The following TP63 variants were observed in gnomAD, a reference collection of about 807,000 sequenced individuals.
The protein encoded by TP63 is tumor protein p63.
TP63 carries 17 observed loss-of-function variants against 82.8 expected under a neutral mutation model. The observed-to-expected ratio is 0.21, with a 90% CI of 0.14 to 0.31. The LOEUF (loss-of-function observed/expected upper bound fraction) is 0.31. Among genes scored for constraint, TP63 ranks in the 10% least tolerant of loss-of-function variants. The pLI, the probability that TP63 is intolerant of heterozygous loss-of-function variation, is 1.00. For missense variants in TP63, 648 were observed against 895.3 expected (o/e 0.72, Z 3.52); for synonymous variants, 330 against 321.7 (o/e 1.03, Z -0.28).
intron 1 of TP63, among the ~76,000 whole-genome samples, chr3:189,721,192 G>T (rs1184018942): frequency 3.3e-5 from 5 of 152,174 alleles, no homozygotes; most frequent in Non-Finnish European, 5.9e-5. Context: ...TTTACCAGAA[G>T]TCGTGAATAG....
At chr3:189,843,439 G>A (rs77771427) in intron 4 of TP63, among the ~76,000 whole-genome samples, 4,999 of 152,270 alleles carry the variant, frequency 0.033, 126 homozygotes, top group Non-Finnish European at 0.054. Flanking sequence ...GGCAACAGGC[G>A]GCCCTTTGGC....
intron 10 of TP63, chr3:189,880,587 A>G: frequency 1.0e-6 from 1 of 986,450 alleles, no homozygotes; most frequent in Non-Finnish European, 1.2e-6. Context: ...CAAACTTAAG[A>G]TGTCTTTTTA....
chr3:189,706,517 G>A lies in TP63; in HGVS notation c.63-31223G>A, dbSNP rs561763803. ...GGTCCGCTGGCCTCGGCCTCCCAGA[G>A]TGCTGGGATTACAGGTGTGAGCCAC... On this transcript the variant is annotated intron_variant, in intron 1 of 13. Transcript: ENST00000264731. Among the ~76,000 whole-genome samples the A allele has an allele frequency of 3.9e-5, 6 of 152,288 alleles. No individual in the cohort carries two copies. In the East Asian group the frequency reaches 5.8e-4, roughly 15 times the overall value.
At chr3:189,752,559 T>C (rs998807086) in intron 3 of TP63, among the ~76,000 whole-genome samples, 1 of 152,230 alleles carries the variant, frequency 6.6e-6, no homozygotes, top group Non-Finnish European at 1.5e-5. Flanking sequence ...GTGTTTCCTC[T>C]CTTTTCTCTC....
intron 1 of TP63, among the ~76,000 whole-genome samples, chr3:189,674,180 G>A (rs1715183312): frequency 6.6e-6 from 1 of 152,054 alleles, no homozygotes; most frequent in Non-Finnish European, 1.5e-5. Flanking sequence ...TGCAGAAGTG[G>A]CAAGTAGCTC....
intron 3 of TP63, among the ~76,000 whole-genome samples, chr3:189,773,492 C>T (rs189896099): frequency 1.3e-5 from 2 of 152,334 alleles, no homozygotes; most frequent in Admixed American, 1.3e-4. Flanking sequence ...TGTTAATTCA[C>T]ACAAAGAGAG....
chr3:189,709,059 G>C (rs1255057782), intron 1 of TP63, among the ~76,000 whole-genome samples: 2 of 152,010 alleles, frequency 1.3e-5, no homozygotes, highest in African/African-American at 4.8e-5. Flanking sequence ...CTTGTTTGCT[G>C]TTTTATTTCA....
intron 4 of TP63, among the ~76,000 whole-genome samples, chr3:189,840,898 A>G (rs1460516057): frequency 6.6e-6 from 1 of 151,428 alleles, no homozygotes; most frequent in Non-Finnish European, 1.5e-5. Context: ...AAGGTTTCCC[A>G]ATAACCTTCT....
intron 3 of TP63, among the ~76,000 whole-genome samples, chr3:189,762,360 T>C (rs969083049): frequency 6.6e-6 from 1 of 152,168 alleles, no homozygotes; most frequent in Non-Finnish European, 1.5e-5. Flanking sequence ...TGGGATTTTA[T>C]GGTTTGTAGG....
At chr3:189,612,251 A>G in the TP63 span, among the ~76,000 whole-genome samples, 5 of 139,624 alleles carry the variant, frequency 3.6e-5, no homozygotes, top group Non-Finnish European at 6.5e-5. Context: ...TATCTCTCAG[A>G]ATTCCCACAT....
rs760013406 is a variant in TP63, at chr3:189,854,234, A to ATGTT, written c.580-9987_580-9984dup. ...TAGTCTCTCCTATGTTGTTGTTTTT[A>ATGTT]TGTTTGTTTGTTTGAGATGGACTTT... On this transcript the variant is annotated intron_variant, in intron 4 of 13. Transcript: ENST00000264731. 8.6e-5 allele frequency among the ~76,000 whole-genome samples: 13 copies of ATGTT among 151,990 alleles called. No homozygotes were observed. In the East Asian group the frequency reaches 1.4e-3, roughly 16 times the overall value.
intron 11 of TP63, among the ~76,000 whole-genome samples, chr3:189,887,220 A>G (rs1335881993): frequency 6.6e-6 from 1 of 152,072 alleles, no homozygotes; most frequent in South Asian, 2.1e-4. Flanking sequence ...AAAAAAAAAA[A>G]AAAAATCTAG....
intron 1 of TP63, 65 bp from the exon 2 acceptor site, chr3:189,737,675 A>C (rs1395495469): frequency 1.5e-5 from 23 of 1,557,006 alleles, no homozygotes; most frequent in Non-Finnish European, 1.9e-5. Context: ...AGTATGCTTT[A>C]ATTTAAATAT....
At chr3:189,630,758 G>T (rs796404417), upstream of TP63, among the ~76,000 whole-genome samples, 61 of 152,112 alleles carry the variant, frequency 4.0e-4, no homozygotes, top group African/African-American at 1.4e-3. Flanking sequence ...TTCGGGTCAG[G>T]CAAAGCTTCT....
At chr3:189,888,162 A>G (rs751559024) in intron 11 of TP63, among the ~76,000 whole-genome samples, 2 of 151,968 alleles carry the variant, frequency 1.3e-5, no homozygotes, top group African/African-American at 2.4e-5. Context: ...CTGGCCACAC[A>G]TTCATATTTT....
intron 4 of TP63, among the ~76,000 whole-genome samples, chr3:189,809,571 T>C (rs1577006745): frequency 6.6e-6 from 1 of 152,244 alleles, no homozygotes; most frequent in South Asian, 2.1e-4. Flanking sequence ...ACATGGATTA[T>C]AGAAATGCTT....
At chr3:189,710,756 C>T (rs2108753904) in intron 1 of TP63, among the ~76,000 whole-genome samples, 1 of 152,206 alleles carries the variant, frequency 6.6e-6, no homozygotes, top group South Asian at 2.1e-4. Context: ...CAGGGAAATT[C>T]CAGATGACAT....
intron 13 of TP63, among the ~76,000 whole-genome samples, chr3:189,893,031 T>A (rs1721176761): frequency 6.6e-6 from 1 of 152,170 alleles, no homozygotes; most frequent in African/African-American, 2.4e-5. Context: ...TTTTCTCAGC[T>A]TTTATCTTAG....
intron 4 of TP63, among the ~76,000 whole-genome samples, chr3:189,809,999 CA>C (rs1202980760): frequency 2.0e-5 from 3 of 152,120 alleles, no homozygotes; most frequent in Non-Finnish European, 4.4e-5. Flanking sequence ...CAGGATCTCC[CA>C]AAATTGTCTA....
Sources: allele counts gnomAD v4.1 joint callset (sites outside exome capture counted in the v4.1 genomes callset), GRCh38; gene constraint gnomAD v4.1.1; transcripts MANE v1.5; gene names NCBI Gene and HGNC (gene_info 2026-07-23, HGNC 2026-07-21).